MAP2K5: variants seen among roughly 807,000 people sequenced by gnomAD.
The protein encoded by MAP2K5 is mitogen-activated protein kinase kinase 5, also known as dual specificity mitogen-activated protein kinase kinase 5.
In MAP2K5, 49 loss-of-function variants were observed where a neutral mutation model predicts 83.1. The observed-to-expected ratio is 0.59, with a 90% CI of 0.47 to 0.75. MAP2K5 has a LOEUF of 0.75. MAP2K5 is among the 30% of genes least tolerant of loss of function. The pLI, the probability that MAP2K5 is intolerant of heterozygous loss-of-function variation, is 0.00. For synonymous variants in MAP2K5, 202 were observed against 191.8 expected (o/e 1.05, Z -0.44); for missense variants, 457 against 557.5 (o/e 0.82, Z 1.82).
At chr15:67,583,824 G>A (rs1432300476) in intron 4 of MAP2K5, among the ~76,000 whole-genome samples, 1 of 152,042 alleles carries the variant, frequency 6.6e-6, no homozygotes, top group Non-Finnish European at 1.5e-5. Flanking sequence ...TGTGCTCACT[G>A]CAGCCTTTAT....
chr15:67,642,104 A>G (rs7168932), intron 9 of MAP2K5, among the ~76,000 whole-genome samples: 152,303 of 152,358 alleles, frequency 1, 76,124 homozygotes, highest in Middle Eastern at 1. Context: ...AGAGTACAGC[A>G]GATTAGCTCC....
rs947985640 is a variant in MAP2K5, at chr15:67,801,123, A to G, written c.1243-5523A>G. ...AGATCCCATCTAGTCCTAACACTCCATTAGTGTGAGAAGGGACAGAAGTGT... is the reference window on the plus strand; with the variant it reads ...AGATCCCATCTAGTCCTAACACTCCGTTAGTGTGAGAAGGGACAGAAGTGT... On this transcript the variant is annotated intron_variant, in intron 21 of 21. Coordinates refer to ENST00000178640, the MANE Select transcript of MAP2K5 (RefSeq NM_145160.3). The surrounding 1 kb of genome is among the most constrained non-coding windows in gnomAD (Gnocchi z 4.8). Among the ~76,000 whole-genome samples the G allele has an allele frequency of 4.6e-5, 7 of 152,154 alleles. No homozygotes were observed. Among genetic ancestry groups the G allele is most frequent in the African/African-American group, 1.7e-4 (7 of 41,436 alleles).
At chr15:67,756,515 CTGTGTGTGTGTGTG>C (rs200627656) in intron 19 of MAP2K5, among the ~76,000 whole-genome samples, 9,939 of 131,558 alleles carry the variant, frequency 0.076, 462 homozygotes, top group East Asian at 0.1. Context: ...CACACAGTTA[CTGTGTGTGTGTGTG>C]TGTGTGTGTG....
In MAP2K5 at chr15:67,758,564, T is replaced by G. The variant is rs575374039; in HGVS notation, c.1134+9963T>G. Reference sequence around the variant, plus strand: ...GTACTGCACCTAACATCCTATAGGCTCTTGTAAATATTCATCAAATGACAT... The same window carrying G: ...GTACTGCACCTAACATCCTATAGGCGCTTGTAAATATTCATCAAATGACAT... On this transcript the variant is annotated intron_variant, in intron 19 of 21. Coordinates refer to ENST00000178640, the MANE Select transcript of MAP2K5 (RefSeq NM_145160.3). This position sits in a 1 kb window ranked among gnomAD's most constrained non-coding sequence, Gnocchi z 4.7. Among the ~76,000 whole-genome samples the G allele has an allele frequency of 1.3e-5, 2 of 152,316 alleles. No individual in the cohort carries two copies. Among genetic ancestry groups the G allele is most frequent in the Admixed American group, 6.5e-5 (1 of 15,302 alleles).
chr15:67,659,815 C>G (rs1808420772), intron 12 of MAP2K5, among the ~76,000 whole-genome samples: 4 of 152,116 alleles, frequency 2.6e-5, no homozygotes, highest in Admixed American at 2.6e-4. Flanking sequence ...AATCTGCCAT[C>G]TTCAGTAGAG....
At chr15:67,684,033 T>C (rs570164535) in intron 13 of MAP2K5, among the ~76,000 whole-genome samples, 1 of 151,626 alleles carries the variant, frequency 6.6e-6, no homozygotes, top group Non-Finnish European at 1.5e-5. Context: ...GAATTTGGAG[T>C]TCAAGGAGAC....
chr15:67,592,630 G>A (rs1229309669), intron 6 of MAP2K5, among the ~76,000 whole-genome samples: 1 of 152,176 alleles, frequency 6.6e-6, no homozygotes, highest in Admixed American at 6.5e-5. Context: ...GCTATCTAAA[G>A]GCAGTAGAAC....
intron 17 of MAP2K5, among the ~76,000 whole-genome samples, chr15:67,743,637 G>A (rs948089672): frequency 7.9e-5 from 12 of 152,236 alleles, no homozygotes; most frequent in African/African-American, 2.4e-4. Flanking sequence ...CAGTGGTTTT[G>A]TTTTTCTCAT....
chr15:67,609,029 G>A (rs1212699335), intron 8 of MAP2K5, among the ~76,000 whole-genome samples: 2 of 152,178 alleles, frequency 1.3e-5, no homozygotes, highest in African/African-American at 2.4e-5. Flanking sequence ...GTGACTCTGG[G>A]AAGTGGTGAA....
intron 3 of MAP2K5, among the ~76,000 whole-genome samples, chr15:67,575,918 T>TTCTG (rs1555527938): frequency 0.013 from 1,634 of 128,218 alleles, 35 homozygotes; most frequent in East Asian, 0.047. Context: ...CTTTCTTTCT[T>TTCTG]TTTTTTTTTT....
chr15:67,698,338 C>T lies in MAP2K5; in HGVS notation c.972+4770C>T, dbSNP rs2141209629. On this transcript the variant is annotated intron_variant, in intron 15 of 21. Coordinates refer to ENST00000178640, the MANE Select transcript of MAP2K5 (RefSeq NM_145160.3). This position sits in a 1 kb window ranked among gnomAD's most constrained non-coding sequence, Gnocchi z 4.5. ...GAGTAGCTGGGATTACAGGCGTGCA[C>T]CACCACGCCCGGCTAATTTTTGTAT... Among the ~76,000 whole-genome samples the T allele has an allele frequency of 6.6e-6, 1 of 152,136 alleles. No homozygotes were observed. Among genetic ancestry groups the T allele is most frequent in the East Asian group, 1.9e-4 (1 of 5,176 alleles).
intron 8 of MAP2K5, among the ~76,000 whole-genome samples, chr15:67,610,790 G>A (rs938126890): frequency 2.6e-5 from 4 of 152,052 alleles, no homozygotes; most frequent in African/African-American, 9.7e-5. Flanking sequence ...TGGGTATTAA[G>A]CATTAAATTT....
At chr15:67,553,710 G>A (rs887909086) in intron 2 of MAP2K5, among the ~76,000 whole-genome samples, 1 of 151,636 alleles carries the variant, frequency 6.6e-6, no homozygotes, top group Non-Finnish European at 1.5e-5. Context: ...TCAGGAGATC[G>A]AGACCATCCT....
At chr15:67,670,270 T>C in intron 13 of MAP2K5, 3 of 364,230 alleles carry the variant, frequency 8.2e-6, no homozygotes, top group South Asian at 6.3e-5. Flanking sequence ...AATACAATTT[T>C]CCATCCTATG....
chr15:67,607,858 A>G (rs948853877), intron 8 of MAP2K5, among the ~76,000 whole-genome samples: 4 of 152,260 alleles, frequency 2.6e-5, no homozygotes, highest in African/African-American at 9.6e-5. Flanking sequence ...GGGTAACAAA[A>G]TTGTTCTAGT....
At chr15:67,792,745 GC>G (rs891409088) in intron 21 of MAP2K5, among the ~76,000 whole-genome samples, 1 of 151,972 alleles carries the variant, frequency 6.6e-6, no homozygotes, top group Non-Finnish European at 1.5e-5. Context: ...TTTCTTTTCC[GC>G]CCCCCGCTTT....
At chr15:67,578,673 A>G (rs1336705750) in intron 3 of MAP2K5, among the ~76,000 whole-genome samples, 1 of 152,080 alleles carries the variant, frequency 6.6e-6, no homozygotes, top group African/African-American at 2.4e-5. Flanking sequence ...GATGGCTTAA[A>G]AATTCTCACA....
At chr15:67,671,354 G>T (rs1308347554) in intron 13 of MAP2K5, among the ~76,000 whole-genome samples, 1 of 152,170 alleles carries the variant, frequency 6.6e-6, no homozygotes, top group Non-Finnish European at 1.5e-5. Flanking sequence ...GGTGCTTAAT[G>T]TATATAAATT....
Position 67,644,781 on chromosome 15 carries a change from A to G in MAP2K5, c.586-1450A>G, listed in dbSNP as rs1220570893. Among the ~76,000 whole-genome samples the G allele has an allele frequency of 6.6e-6, 1 of 152,004 alleles. No individual in the cohort carries two copies. Among genetic ancestry groups the G allele is most frequent in the African/African-American group, 2.4e-5 (1 of 41,362 alleles). On this transcript the variant is annotated intron_variant, in intron 9 of 21. Coordinates refer to ENST00000178640, the MANE Select transcript of MAP2K5 (RefSeq NM_145160.3). This position sits in a 1 kb window ranked among gnomAD's most constrained non-coding sequence, Gnocchi z 4.6. Reference sequence around the variant, plus strand: ...TGTAACAGGATTAGCAAAGAACATTACCTGACTGGAAAAAAAAAAGATGAT... The same window carrying G: ...TGTAACAGGATTAGCAAAGAACATTGCCTGACTGGAAAAAAAAAAGATGAT...
Sources: allele counts gnomAD v4.1 joint callset (sites outside exome capture counted in the v4.1 genomes callset), GRCh38; gene constraint gnomAD v4.1.1; non-coding constraint Gnocchi (gnomAD v3.1); transcripts MANE v1.5; gene names NCBI Gene and HGNC (gene_info 2026-07-23, HGNC 2026-07-21).